Variants in CADM1 observed in about 807,000 individuals in gnomAD.
CADM1 encodes the protein TSLC-1.
Under a neutral mutation model 53.1 loss-of-function variants are expected in CADM1, and 15 were observed. The observed-to-expected ratio is 0.28, with a 90% CI of 0.19 to 0.44. The LOEUF (loss-of-function observed/expected upper bound fraction) is 0.44. Ranked by LOEUF, CADM1 falls within the 20% of genes least tolerant of loss-of-function variation. The probability of loss-of-function intolerance (pLI) is 1.00; values close to 1 mark genes in which losing one functional copy is unlikely to be tolerated. For synonymous variants in CADM1, 281 were observed against 243.0 expected, an observed-to-expected ratio of 1.16 and a Z score of -1.45; for missense variants, 434 against 611.3, an observed-to-expected ratio of 0.71 and a Z score of 3.06.
chr11:115,289,753 G>A (rs899876535), intron 1 of CADM1, among the ~76,000 whole-genome samples: 12 of 151,716 alleles, frequency 7.9e-5, no homozygotes, highest in Non-Finnish European at 1.8e-4. Context: ...CCACCATCAC[G>A]CCCAGCTAAT....
intron 1 of CADM1, among the ~76,000 whole-genome samples, chr11:115,301,534 C>T (rs1042348316): frequency 1.3e-5 from 2 of 152,114 alleles, no homozygotes; most frequent in African/African-American, 2.4e-5. Context: ...TGATCATCTA[C>T]AAGGTGCAAC....
chr11:115,284,126 G>C (rs1441882300), intron 1 of CADM1, among the ~76,000 whole-genome samples: 3,066 of 41,078 alleles, frequency 0.075, 71 homozygotes, highest in Admixed American at 0.22. Context: ...GTGTGTGTGT[G>C]TGTGTGTGTG....
At chr11:115,210,235 T>A (rs1253101942) in intron 7 of CADM1, among the ~76,000 whole-genome samples, 1 of 152,218 alleles carries the variant, frequency 6.6e-6, no homozygotes, top group Non-Finnish European at 1.5e-5. Context: ...GTTCCAGGCA[T>A]GTGAGATTTT....
rs564835825 is a variant in CADM1, at chr11:115,371,556, T to C, written c.125-131136A>G. ...CAAATAAAAAGAAATAGTAAGATAA[T>C]TTAAAAATTAATCATGGGAGTAAGA... On this transcript the variant is annotated intron_variant, in intron 1 of 11. Transcript: ENST00000331581. 7.3e-5 allele frequency among the ~76,000 whole-genome samples: 11 copies of C among 151,630 alleles called. No homozygotes were observed. The South Asian group carries it at 2.1e-3, about 29-fold the overall frequency.
At chr11:115,378,761 G>A (rs762474325) in intron 1 of CADM1, among the ~76,000 whole-genome samples, 10 of 152,160 alleles carry the variant, frequency 6.6e-5, no homozygotes, top group East Asian at 1.9e-4. Context: ...ATGCTCATTC[G>A]TTTACATATT....
chr11:115,501,284 T>C (rs1383229404), intron 1 of CADM1, among the ~76,000 whole-genome samples: 1 of 152,176 alleles, frequency 6.6e-6, no homozygotes. Flanking sequence ...CTATTCAATC[T>C]GATGCAGGGA....
At chr11:115,251,187 T>C (rs1268093051) in intron 1 of CADM1, among the ~76,000 whole-genome samples, 1 of 152,200 alleles carries the variant, frequency 6.6e-6, no homozygotes, top group Non-Finnish European at 1.5e-5. Flanking sequence ...GCAGCTCAAC[T>C]CCAACTTAAC....
chr11:115,357,170 G>C (rs559606621), intron 1 of CADM1, among the ~76,000 whole-genome samples: 7 of 152,250 alleles, frequency 4.6e-5, no homozygotes, highest in African/African-American at 1.7e-4. Flanking sequence ...ACCCCAGCTA[G>C]ATGTGCTGGC....
intron 1 of CADM1, among the ~76,000 whole-genome samples, chr11:115,358,121 C>A (rs1239873981): frequency 3.3e-5 from 5 of 152,186 alleles, no homozygotes; most frequent in Non-Finnish European, 7.3e-5. Flanking sequence ...ACATACTCAT[C>A]ACTTCTAAAA....
At chr11:115,209,526 A>G (rs539576230) in intron 8 of CADM1, 48 bp downstream of exon 8, 1 of 1,610,944 alleles carries the variant, frequency 6.2e-7, no homozygotes, top group African/African-American at 1.3e-5. Flanking sequence ...CATACCAGAA[A>G]GACAATATAC....
intron 5 of CADM1, 51 bp from the exon 6 acceptor site, chr11:115,218,042 C>G (rs141329666): frequency 7.6e-7 from 1 of 1,309,050 alleles, no homozygotes; most frequent in Non-Finnish European, 1.1e-6. Flanking sequence ...TATCATCAGG[C>G]AAAATCAGAC....
At chr11:115,284,023 C>A (rs943168561) in intron 1 of CADM1, among the ~76,000 whole-genome samples, 1 of 151,454 alleles carries the variant, frequency 6.6e-6, no homozygotes, top group Non-Finnish European at 1.5e-5. Flanking sequence ...ATTATTGAGG[C>A]TGAAAGTGGC....
rs796465703 is a variant in CADM1, at chr11:115,417,845, C to A, written c.124+86426G>T. Among the ~76,000 whole-genome samples, 92 of 152,278 alleles carry A rather than the reference C, an allele frequency of 6.0e-4. 2 individuals are homozygous for A. The highest frequency in any genetic ancestry group is 2.1e-3 in the African/African-American group (86 of 41,552). On this transcript the variant is annotated intron_variant, in intron 1 of 11. Transcript: ENST00000331581. ...AAGTGAAACCATGGGCAAGCGGGGG[C>A]TACTGCAGATCATGCCTGATAGATT...
At chr11:115,491,860 C>A (rs1949504483) in intron 1 of CADM1, among the ~76,000 whole-genome samples, 1 of 152,152 alleles carries the variant, frequency 6.6e-6, no homozygotes, top group Non-Finnish European at 1.5e-5. Flanking sequence ...AGACAGAAAA[C>A]CAAACACTGC....
rs1360997183 is a variant in CADM1, at chr11:115,172,264, C to T, written c.*4210G>A. 1.3e-5 allele frequency: 2 copies of T among 152,298 alleles called. No individual in the cohort carries two copies. Among genetic ancestry groups the T allele is most frequent in the Non-Finnish European group, 2.9e-5 (2 of 68,086 alleles). 9.4% of individuals were successfully genotyped at this position (152,298 alleles called of 1,614,324 possible). A position where few individuals can be genotyped will look rare whatever the true frequency, so the allele number is the denominator to read the frequency against. On this transcript the variant is annotated 3_prime_UTR_variant, in exon 12 of 12. Coordinates refer to ENST00000331581, the MANE Select transcript of CADM1 (RefSeq NM_001301043.2). ...TAGAGATGCAATGAATGAGTACTCC[C>T]TACTGCTCCTTGCCCTCTGGCAGAG... is the stretch of plus-strand genomic sequence containing the variant.
chr11:115,216,588 GA>G, intron 6 of CADM1, among the ~76,000 whole-genome samples: 1 of 152,142 alleles, frequency 6.6e-6, no homozygotes, highest in Admixed American at 6.5e-5. Flanking sequence ...ACGAGAAAAA[GA>G]TCACTCTGCT....
chr11:115,316,310 T>C (rs554274967), intron 1 of CADM1, among the ~76,000 whole-genome samples: 1 of 152,306 alleles, frequency 6.6e-6, no homozygotes, highest in East Asian at 1.9e-4. Flanking sequence ...TGAGAAAAGT[T>C]CATCTTGGGA....
intron 8 of CADM1, among the ~76,000 whole-genome samples, chr11:115,199,051 G>T (rs1940296151): frequency 6.6e-6 from 1 of 152,122 alleles, no homozygotes; most frequent in Admixed American, 6.6e-5. Context: ...TCAATTAACT[G>T]GGAGGCCATG....
At chr11:115,331,935 G>A (rs927169940) in intron 1 of CADM1, among the ~76,000 whole-genome samples, 9 of 151,626 alleles carry the variant, frequency 5.9e-5, no homozygotes, top group African/African-American at 2.2e-4. Flanking sequence ...CGTGGGGAAG[G>A]ATCTGATAGA....
Sources: gnomAD v4.1 joint callset for allele counts (sites outside exome capture counted in the v4.1 genomes callset) on GRCh38, gnomAD v4.1.1 for gene constraint, MANE v1.5 for transcripts, NCBI Gene and HGNC (gene_info 2026-07-23, HGNC 2026-07-21) for gene names.